Variants in KCNMA1 observed in about 807,000 individuals in gnomAD.
KCNMA1 encodes the protein Calcium-activated potassium channel subunit alpha-1.
A neutral mutation model predicts 140.0 loss-of-function variants in KCNMA1; 29 were observed. That is an observed-to-expected ratio of 0.21 (90% confidence interval 0.15 to 0.28). KCNMA1 has a LOEUF of 0.28. KCNMA1 is among the 10% of genes least tolerant of loss of function. The pLI is 1.00. For missense variants in KCNMA1, 880 were observed against 1,602.2 expected, an observed-to-expected ratio of 0.55 and a Z score of 7.70; for synonymous variants, 612 against 611.9, an observed-to-expected ratio of 1.00 and a Z score of 0.00.
At chr10:77,617,332 C>T (rs2089937757) in intron 1 of KCNMA1, among the ~76,000 whole-genome samples, 2 of 152,184 alleles carry the variant, frequency 1.3e-5, no homozygotes, top group Admixed American at 1.3e-4. Flanking sequence ...TGGGAGAGGG[C>T]AGACTGGGAG....
At chr10:77,346,697 C>T (rs368421674) in intron 2 of KCNMA1, among the ~76,000 whole-genome samples, 1 of 152,176 alleles carries the variant, frequency 6.6e-6, no homozygotes, top group Admixed American at 6.5e-5. Context: ...TGTCCTGTGA[C>T]ATTGGCACAG....
chr10:77,287,993 GC>G (rs2071648202), intron 2 of KCNMA1, among the ~76,000 whole-genome samples: 2 of 152,190 alleles, frequency 1.3e-5, no homozygotes, highest in African/African-American at 4.8e-5. Flanking sequence ...GGATCAAGTG[GC>G]AATAAACTCC....
rs1314941406 is a variant in KCNMA1 at position 76,891,438 on chromosome 10, C to T, written c.3342+87G>A. The T allele has an allele frequency of 4.2e-5, 43 of 1,020,246 alleles. 1 individual carries two copies. The South Asian group carries it at 5.0e-4, about 12-fold the overall frequency. The allele number at this position is 1,020,246 out of a possible 1,614,324, so 63.2% of individuals were successfully genotyped here. A position where few individuals can be genotyped will look rare whatever the true frequency, so the allele number is the denominator to read the frequency against. On this transcript the variant is annotated intron_variant, in intron 26 of 27. Transcript: ENST00000286628. ...AATAGGAAGGAGAAAAGCCAGATGC[C>T]TAGCTTGTCACATCTGATACCACGT...
chr10:77,326,366 A>G (rs574313203), intron 2 of KCNMA1, among the ~76,000 whole-genome samples: 1 of 152,330 alleles, frequency 6.6e-6, no homozygotes, highest in East Asian at 1.9e-4. Flanking sequence ...TGTAATAGTT[A>G]CTTTACACCT....
At chr10:76,960,658 G>A (rs1467856499) in intron 20 of KCNMA1, among the ~76,000 whole-genome samples, 1 of 98,898 alleles carries the variant, frequency 1.0e-5, no homozygotes, top group Non-Finnish European at 2.0e-5. Context: ...CAAATTGAAG[G>A]TTTATTTTTC....
chr10:77,299,544 C>G (rs780115970), intron 2 of KCNMA1, among the ~76,000 whole-genome samples: 19 of 152,260 alleles, frequency 1.2e-4, no homozygotes, highest in South Asian at 4.1e-4. Flanking sequence ...GTCGGTGTAA[C>G]CTATCAAGCT....
At chr10:77,038,777 G>A (rs1032503879) in intron 15 of KCNMA1, among the ~76,000 whole-genome samples, 1 of 152,164 alleles carries the variant, frequency 6.6e-6, no homozygotes, top group African/African-American at 2.4e-5. Flanking sequence ...CTAGCCTCAA[G>A]TGATCCTCTC....
intron 1 of KCNMA1, among the ~76,000 whole-genome samples, chr10:77,442,642 T>C (rs2097432747): frequency 6.6e-6 from 1 of 152,132 alleles, no homozygotes. Flanking sequence ...AGGTAAAGGT[T>C]GTCATCTAGA....
At chr10:77,120,281 C>T (rs977507774) in intron 6 of KCNMA1, among the ~76,000 whole-genome samples, 2 of 152,104 alleles carry the variant, frequency 1.3e-5, no homozygotes, top group South Asian at 2.1e-4. Flanking sequence ...CTCTGCAAGC[C>T]GGCAGGTCAT....
chr10:77,148,646 G>C (rs144248506), intron 5 of KCNMA1, among the ~76,000 whole-genome samples: 5 of 152,264 alleles, frequency 3.3e-5, no homozygotes, highest in African/African-American at 7.2e-5. Context: ...ATTTTTTTCT[G>C]TAAAGGGCCA....
intron 2 of KCNMA1, among the ~76,000 whole-genome samples, chr10:77,343,907 A>C (rs1034268366): frequency 6.6e-6 from 1 of 152,218 alleles, no homozygotes; most frequent in African/African-American, 2.4e-5. Flanking sequence ...AGAAGTCAAG[A>C]AGTTAGAGAC....
intron 5 of KCNMA1, among the ~76,000 whole-genome samples, chr10:77,131,739 C>T (rs538702814): frequency 1.3e-4 from 20 of 151,820 alleles, no homozygotes; most frequent in Non-Finnish European, 1.6e-4. Flanking sequence ...CTGAGGCAGG[C>T]GGATCACTTG....
At chr10:77,510,634 A>C (rs1202307662) in intron 1 of KCNMA1, among the ~76,000 whole-genome samples, 1 of 151,768 alleles carries the variant, frequency 6.6e-6, no homozygotes, top group Non-Finnish European at 1.5e-5. Context: ...CTCTACAAAA[A>C]AAAAAAAGAA....
intron 2 of KCNMA1, among the ~76,000 whole-genome samples, chr10:77,256,197 T>C (rs1339891414): frequency 6.6e-6 from 1 of 152,204 alleles, no homozygotes; most frequent in Non-Finnish European, 1.5e-5. Context: ...AGCTGGCTCT[T>C]AGAAATATTT....
chr10:77,227,192 T>G (rs1052772171), intron 3 of KCNMA1, among the ~76,000 whole-genome samples: 4 of 151,986 alleles, frequency 2.6e-5, no homozygotes, highest in African/African-American at 9.7e-5. Context: ...AGAGGGAAAA[T>G]TTTTCCCCAT....
At chr10:77,146,527 T>A (rs1027763214) in intron 5 of KCNMA1, among the ~76,000 whole-genome samples, 1 of 151,688 alleles carries the variant, frequency 6.6e-6, no homozygotes, top group African/African-American at 2.4e-5. Flanking sequence ...ATGGCAAAAC[T>A]TCGTCTCTTC....
At chr10:77,039,324 GA>G in intron 15 of KCNMA1, 1 of 623,038 alleles carries the variant, frequency 1.6e-6, no homozygotes, top group Middle Eastern at 4.1e-4. Flanking sequence ...GGCCTGTCAA[GA>G]AAAGTGGGGC....
chr10:77,063,968 G>T, intron 14 of KCNMA1: 2 of 985,440 alleles, frequency 2.0e-6, no homozygotes, highest in Non-Finnish European at 2.4e-6. Flanking sequence ...AAGGGCCAGG[G>T]TGAGTGTCAG....
intron 16 of KCNMA1, chr10:77,022,847 T>C: frequency 2.7e-6 from 1 of 374,690 alleles, no homozygotes; most frequent in South Asian, 1.9e-5. Context: ...ACACCTCTGC[T>C]AGGGCTAGGG....
Sources: allele counts gnomAD v4.1 joint callset (sites outside exome capture counted in the v4.1 genomes callset), GRCh38; gene constraint gnomAD v4.1.1; transcripts MANE v1.5; gene names NCBI Gene and HGNC (gene_info 2026-07-23, HGNC 2026-07-21).